The following SLC2A9 variants were observed in gnomAD, a reference collection of about 807,000 sequenced individuals.
SLC2A9 encodes the protein solute carrier family 2, facilitated glucose transporter member 9.
Under a neutral mutation model 50.6 loss-of-function variants are expected in SLC2A9, and 39 were observed. That is an observed-to-expected ratio of 0.77 (90% CI 0.60 to 1.01). The LOEUF is 1.01. Ranked by LOEUF, SLC2A9 falls within the 50% of genes least tolerant of loss-of-function variation. The pLI is 0.00. For synonymous variants in SLC2A9, 324 were observed against 276.9 expected (o/e 1.17, Z -1.69); for missense variants, 686 against 677.6 (o/e 1.01, Z -0.14).
chr4:9,959,529 T>G (rs1247835295), intron 5 of SLC2A9, among the ~76,000 whole-genome samples: 3 of 152,160 alleles, frequency 2.0e-5, no homozygotes, highest in African/African-American at 7.2e-5. Context: ...GGTGGAATTA[T>G]CAAATAACAG....
rs1736530566 is a variant in SLC2A9, at chr4:9,887,636, C to T, written c.1222G>A (p.Ala408Thr). ...ATACTCAGGTAGGGGACCCAGGGGG[C>T]GTGGTCCTGGGAGAGAACAGGGAGT... Reference protein sequence around the residue: ...LTITLTLQDHAPWVPYLSIVG... With the variant: ...LTITLTLQDHTPWVPYLSIVG... The change falls in exon 10 of 12, where the codon GCC becomes ACC. Residue 408 changes from alanine (A) to threonine (T), a missense_variant. Coordinates refer to ENST00000264784, the MANE Select transcript of SLC2A9 (RefSeq NM_020041.3). 9.7e-6 allele frequency: 15 copies of T among 1,540,322 alleles called. No individual in the cohort carries two copies. The highest frequency in any genetic ancestry group is 2.5e-5 in the South Asian group (2 of 79,596).
intron 5 of SLC2A9, among the ~76,000 whole-genome samples, chr4:9,962,241 C>A (rs982833189): frequency 6.6e-6 from 1 of 152,200 alleles, no homozygotes; most frequent in Middle Eastern, 3.2e-3. Context: ...GAATATAAAT[C>A]ATTCTATTAT....
intron 2 of SLC2A9, among the ~76,000 whole-genome samples, chr4:10,005,381 C>T (rs1042108555): frequency 3.9e-5 from 6 of 152,216 alleles, no homozygotes; most frequent in Non-Finnish European, 8.8e-5. Flanking sequence ...TGGAGGCTGC[C>T]TGTACCTGGC....
chr4:9,885,537 C>A (rs1020334964), intron 10 of SLC2A9, among the ~76,000 whole-genome samples: 1 of 152,240 alleles, frequency 6.6e-6, no homozygotes, highest in Non-Finnish European at 1.5e-5. Context: ...GCTGCCAGGG[C>A]AGGCTCCCGT....
intron 5 of SLC2A9, among the ~76,000 whole-genome samples, chr4:9,975,053 T>C (rs977901713): frequency 3.3e-5 from 5 of 152,216 alleles, no homozygotes; most frequent in Non-Finnish European, 7.3e-5. Flanking sequence ...GTTTGCCATA[T>C]GCAGAAGAAT....
intron 6 of SLC2A9, among the ~76,000 whole-genome samples, chr4:9,924,945 G>T (rs1744625366): frequency 6.6e-6 from 1 of 152,114 alleles, no homozygotes; most frequent in Non-Finnish European, 1.5e-5. Context: ...TTATCCCCAG[G>T]CTAATCCCCA....
chr4:9,826,457 G>A lies in SLC2A9; in HGVS notation c.1563C>T (p.Tyr521=). The A allele has an allele frequency of 1.2e-6, 2 of 1,614,050 alleles. No individual in the cohort carries two copies. Among genetic ancestry groups the A allele is most frequent in the Non-Finnish European group, 1.7e-6 (2 of 1,179,984 alleles). Residue 521 remains tyrosine (Y), a synonymous_variant, in exon 12 of 12, where the codon TAC becomes TAT. Transcript: ENST00000264784. ...SQAFSKRNKA[Y]PPEEKIDSAV... ...CTGAGTCGATTTTCTCTTCTGGTGG[G>A]TATGCTTTGTTCCTTTTGGAAAATG... is the stretch of plus-strand genomic sequence containing the variant.
chr4:9,957,886 T>C lies in SLC2A9; in HGVS notation c.682-15841A>G, dbSNP rs1393007924. 2.6e-5 allele frequency among the ~76,000 whole-genome samples: 4 copies of C among 151,664 alleles called. No homozygotes were observed. In the East Asian group the frequency reaches 5.8e-4, roughly 22 times the overall value. ...AAAATGGGAGGTTAGGAGAAAATTA[T>C]CAAAGAAGTAACATAATGATCTAGA... On this transcript the variant is annotated intron_variant, in intron 5 of 11. Coordinates refer to ENST00000264784, the MANE Select transcript of SLC2A9 (RefSeq NM_020041.3).
rs769990138 is a variant in SLC2A9, at chr4:9,985,790, C to A, written c.414G>T (p.Lys138Asn). 3 of 1,614,020 alleles carry A rather than the reference C, an allele frequency of 1.9e-6. No individual in the cohort carries two copies. The highest frequency in any genetic ancestry group is 2.5e-6 in the Non-Finnish European group (3 of 1,179,864). The stretch of plus-strand genomic sequence containing the variant: ...ACCCATTATTGGCCAGCAAAGTGTG[C>A]TTCCTGGAAAGAAAGGAAAGATTTG... ...VKMIGKVLGR[K>N]HTLLANNGFA... Residue 138 changes from lysine to asparagine, a missense_variant, in exon 4 of 12, where the codon AAG becomes AAT. Lys to Asn is a moderately conservative substitution (Grantham distance 94). Transcript: ENST00000264784.
At chr4:9,782,008 C>A in intron 3 of SLC2A9, 1 of 1,438,398 alleles carries the variant, frequency 7.0e-7, no homozygotes, top group Non-Finnish European at 9.1e-7. Context: ...GCGCACAGAC[C>A]GCCCCTGCAG....
chr4:9,823,777 C>T (rs1724728559), downstream of SLC2A9, among the ~76,000 whole-genome samples: 1 of 152,210 alleles, frequency 6.6e-6, no homozygotes, highest in East Asian at 1.9e-4. Flanking sequence ...TGAGATGATG[C>T]ATTTGATTTA....
At chr4:9,962,179 A>ACCAGAAATACCATTTGAC (rs1293167305) in intron 5 of SLC2A9, among the ~76,000 whole-genome samples, 1 of 152,218 alleles carries the variant, frequency 6.6e-6, no homozygotes, top group Admixed American at 6.5e-5. Context: ...AAGACCTAGA[A>ACCAGAAATACCATTTGAC]CCAGAAATAC....
intron 3 of SLC2A9, chr4:9,782,464 C>T (rs750070766): frequency 1.2e-6 from 2 of 1,613,998 alleles, no homozygotes; most frequent in South Asian, 2.2e-5. Context: ...TCTCCAGGCC[C>T]TTCCGCTACA....
At chr4:9,953,232 G>A (rs1750631269) in intron 5 of SLC2A9, among the ~76,000 whole-genome samples, 1 of 152,218 alleles carries the variant, frequency 6.6e-6, no homozygotes, top group Non-Finnish European at 1.5e-5. Flanking sequence ...ATGCCTCTTG[G>A]CCATGGGTAG....
chr4:9,829,600 G>A (rs778963650), intron 11 of SLC2A9, among the ~76,000 whole-genome samples: 2 of 151,948 alleles, frequency 1.3e-5, no homozygotes, highest in Non-Finnish European at 2.9e-5. Flanking sequence ...ATGAGAGAAA[G>A]TTTTTGCAAT....
intron 7 of SLC2A9, among the ~76,000 whole-genome samples, chr4:9,910,546 G>C (rs552106966): frequency 7.2e-5 from 11 of 152,320 alleles, no homozygotes; most frequent in African/African-American, 2.6e-4. Flanking sequence ...CCCTCAGGCT[G>C]CCAGGCTGTC....
At chr4:9,866,140 C>G (rs1051462662) in intron 10 of SLC2A9, among the ~76,000 whole-genome samples, 1 of 152,148 alleles carries the variant, frequency 6.6e-6, no homozygotes, top group African/African-American at 2.4e-5. Context: ...TATTCCCCAG[C>G]TTTCTCATCT....
intron 3 of SLC2A9, among the ~76,000 whole-genome samples, chr4:9,992,731 T>G (rs1295982907): frequency 6.6e-6 from 1 of 152,208 alleles, no homozygotes; most frequent in South Asian, 2.1e-4. Context: ...TCTGAGCCAC[T>G]GGATTCAACC....
intron 3 of SLC2A9, among the ~76,000 whole-genome samples, chr4:9,988,341 A>G (rs1173115383): frequency 6.6e-6 from 1 of 152,218 alleles, no homozygotes; most frequent in East Asian, 1.9e-4. Flanking sequence ...ATGATGGTGT[A>G]TTTTGTGCTA....
Sources: gnomAD v4.1 joint callset for allele counts (sites outside exome capture counted in the v4.1 genomes callset) on GRCh38, gnomAD v4.1.1 for gene constraint, MANE v1.5 for transcripts, NCBI Gene and HGNC (gene_info 2026-07-23, HGNC 2026-07-21) for gene names.